Variants in TNR observed in about 807,000 individuals in gnomAD.
TNR encodes tenascin-R.
In TNR, 45 loss-of-function variants were observed where a neutral mutation model predicts 150.4. The observed-to-expected ratio is 0.30, with a 90% CI of 0.24 to 0.38. The LOEUF is 0.38. Among genes scored for constraint, TNR ranks in the 10% least tolerant of loss-of-function variants. TNR has a pLI of 1.00. For missense variants in TNR, 1,544 were observed against 1,759.1 expected, an observed-to-expected ratio of 0.88 and a Z score of 2.19; for synonymous variants, 687 against 678.4, an observed-to-expected ratio of 1.01 and a Z score of -0.20.
At chr1:175,559,715 C>T (rs1375274187) in intron 1 of TNR, among the ~76,000 whole-genome samples, 1 of 152,166 alleles carries the variant, frequency 6.6e-6, no homozygotes, top group Non-Finnish European at 1.5e-5. Flanking sequence ...TTTTCTTTAT[C>T]CATTCTCCTG....
chr1:175,451,630 C>CAT (rs1314790876), intron 2 of TNR, among the ~76,000 whole-genome samples: 3 of 152,190 alleles, frequency 2.0e-5, no homozygotes, highest in Non-Finnish European at 2.9e-5. Context: ...GAGGAGCAGA[C>CAT]ATGTGGAACC....
At chr1:175,736,051 G>A (rs1331339771) in intron 1 of TNR, among the ~76,000 whole-genome samples, 3 of 152,158 alleles carry the variant, frequency 2.0e-5, no homozygotes, top group Non-Finnish European at 4.4e-5. Flanking sequence ...TAAAATTCGG[G>A]TCAACCCAAT....
chr1:175,736,504 G>A (rs1452319433), intron 1 of TNR, among the ~76,000 whole-genome samples: 3 of 151,580 alleles, frequency 2.0e-5, no homozygotes, highest in African/African-American at 7.3e-5. Flanking sequence ...CTGGACGACA[G>A]AACAAGACTC....
intron 2 of TNR, among the ~76,000 whole-genome samples, chr1:175,438,369 G>A (rs145346795): frequency 0.08 from 12,136 of 152,150 alleles, 642 homozygotes; most frequent in Non-Finnish European, 0.11. Flanking sequence ...GGTATTGATG[G>A]GACGTATCTC....
intron 2 of TNR, among the ~76,000 whole-genome samples, chr1:175,422,577 C>T (rs1316973107): frequency 6.6e-6 from 1 of 152,230 alleles, no homozygotes; most frequent in Admixed American, 6.5e-5. Context: ...TAGCCATTGG[C>T]CCAGTTTATT....
At chr1:175,513,378 C>T (rs1297372514) in intron 2 of TNR, among the ~76,000 whole-genome samples, 1 of 152,162 alleles carries the variant, frequency 6.6e-6, no homozygotes, top group Non-Finnish European at 1.5e-5. Context: ...AAATCGAACA[C>T]ATGTAGTCTA....
At chr1:175,687,862 C>G (rs1666249083) in intron 1 of TNR, among the ~76,000 whole-genome samples, 1 of 151,870 alleles carries the variant, frequency 6.6e-6, no homozygotes, top group African/African-American at 2.4e-5. Flanking sequence ...CCCCACCACA[C>G]CCTCCCCTCC....
chr1:175,556,563 T>C (rs1454576138), intron 1 of TNR: 4 of 152,364 alleles, frequency 2.6e-5, no homozygotes, highest in African/African-American at 9.6e-5. Flanking sequence ...GGCTGCTCAG[T>C]AAGCCTGGGC....
intron 9 of TNR, among the ~76,000 whole-genome samples, chr1:175,367,740 T>C (rs1159738266): frequency 6.6e-6 from 1 of 152,170 alleles, no homozygotes; most frequent in Non-Finnish European, 1.5e-5. Context: ...AGGACCAAGC[T>C]ACACCTTTTA....
intron 8 of TNR, among the ~76,000 whole-genome samples, chr1:175,385,773 T>G (rs768000571): frequency 2.0e-5 from 3 of 152,102 alleles, no homozygotes; most frequent in Admixed American, 6.5e-5. Flanking sequence ...AGGCCCATAG[T>G]GGGGAAGGAT....
chr1:175,437,671 C>T (rs1291371399), intron 2 of TNR, among the ~76,000 whole-genome samples: 16 of 152,092 alleles, frequency 1.1e-4, no homozygotes, highest in East Asian at 3.9e-4. Flanking sequence ...ATCAAATAGA[C>T]GCAATAAAAA....
intron 1 of TNR, among the ~76,000 whole-genome samples, chr1:175,584,487 T>A (rs1662487874): frequency 6.6e-6 from 1 of 152,206 alleles, no homozygotes; most frequent in Non-Finnish European, 1.5e-5. Context: ...ATTACTGTTG[T>A]TTTTAGCCAT....
intron 20 of TNR, among the ~76,000 whole-genome samples, chr1:175,331,243 C>T (rs1649911168): frequency 8.3e-6 from 1 of 121,202 alleles, no homozygotes; most frequent in South Asian, 3.2e-4. Context: ...CCCTCCTTCC[C>T]TCCCTCCCTC....
intron 16 of TNR, 76 bp from the exon 17 acceptor site, chr1:175,355,709 C>CTAGA (rs1388099772): frequency 6.3e-7 from 1 of 1,589,880 alleles, no homozygotes; most frequent in African/African-American, 1.3e-5. Flanking sequence ...GTATGGGTAT[C>CTAGA]TGTTGCCCAC....
intron 2 of TNR, among the ~76,000 whole-genome samples, chr1:175,484,557 C>A (rs1214787769): frequency 6.6e-6 from 1 of 151,964 alleles, no homozygotes; most frequent in African/African-American, 2.4e-5. Context: ...TCTGAGTCTT[C>A]TCTGTTTCTT....
At chr1:175,412,075 G>A (rs2102053665) in intron 2 of TNR, among the ~76,000 whole-genome samples, 1 of 152,214 alleles carries the variant, frequency 6.6e-6, no homozygotes, top group South Asian at 2.1e-4. Context: ...ATTTTCCTGT[G>A]ATGGTAGGTC....
At position 175,323,258 on chromosome 1, in the gene TNR, T is replaced by C; in HGVS notation, c.*99A>G. The C allele has an allele frequency of 1.3e-6, 2 of 1,486,616 alleles. No individual in the cohort carries two copies. Among genetic ancestry groups the C allele is most frequent in the Non-Finnish European group, 1.8e-6 (2 of 1,090,730 alleles). The allele number at this position is 1,486,616 out of a possible 1,614,324, so 92.1% of individuals were successfully genotyped here. A position where few individuals can be genotyped will look rare whatever the true frequency, so the allele number is the denominator to read the frequency against. Reference sequence around the variant, plus strand: ...CTGCTTCCTTCACATACTCTTAATATGTTGCAAAACACATTGCTATTACCC... The same window carrying C: ...CTGCTTCCTTCACATACTCTTAATACGTTGCAAAACACATTGCTATTACCC... On this transcript the variant is annotated 3_prime_UTR_variant, in exon 23 of 23. Coordinates refer to ENST00000367674, the MANE Select transcript of TNR (RefSeq NM_003285.3).
intron 3 of TNR, among the ~76,000 whole-genome samples, chr1:175,405,102 G>A (rs555135287): frequency 2.1e-4 from 32 of 152,342 alleles, no homozygotes; most frequent in South Asian, 2.1e-3. Flanking sequence ...ATAGAGGTGA[G>A]TGCTTGAACT....
At chr1:175,572,606 A>C (rs1244185974) in intron 1 of TNR, among the ~76,000 whole-genome samples, 1 of 152,112 alleles carries the variant, frequency 6.6e-6, no homozygotes, top group Non-Finnish European at 1.5e-5. Flanking sequence ...TCAAGTACAA[A>C]AGTACAGGCT....
Sources: gnomAD v4.1 joint callset for allele counts (sites outside exome capture counted in the v4.1 genomes callset) on GRCh38, gnomAD v4.1.1 for gene constraint, MANE v1.5 for transcripts, NCBI Gene and HGNC (gene_info 2026-07-23, HGNC 2026-07-21) for gene names.